CLSTN2: variants seen among roughly 807,000 people sequenced by gnomAD.
CLSTN2 encodes the protein calsyntenin 2.
Under a neutral mutation model 101.2 loss-of-function variants are expected in CLSTN2, and 48 were observed. That is an observed-to-expected ratio of 0.47 (90% CI 0.38 to 0.60). The LOEUF (loss-of-function observed/expected upper bound fraction) is 0.60. Among genes scored for constraint, CLSTN2 ranks in the 20% least tolerant of loss-of-function variants. The pLI, the probability that CLSTN2 is intolerant of heterozygous loss-of-function variation, is 0.00. For missense variants in CLSTN2, 1,160 were observed against 1,238.2 expected (o/e 0.94, Z 0.95); for synonymous variants, 481 against 463.6 (o/e 1.04, Z -0.48).
chr3:140,337,797 A>G (rs1385602033), intron 2 of CLSTN2, among the ~76,000 whole-genome samples: 1 of 152,256 alleles, frequency 6.6e-6, no homozygotes, highest in African/African-American at 2.4e-5. Flanking sequence ...TTTAATCAGC[A>G]ATGCCGCCTT....
chr3:140,559,638 C>T (rs1010124791), intron 12 of CLSTN2, among the ~76,000 whole-genome samples: 85 of 152,010 alleles, frequency 5.6e-4, no homozygotes, highest in African/African-American at 1.9e-3. Context: ...TTTGTTACTC[C>T]GAGGGACGGG....
At chr3:140,254,199 TATAAGAA>T (rs1377253403) in intron 2 of CLSTN2, among the ~76,000 whole-genome samples, 3 of 152,162 alleles carry the variant, frequency 2.0e-5, no homozygotes, top group Non-Finnish European at 4.4e-5. Flanking sequence ...TTTAAAGAGT[TATAAGAA>T]ATAGTCAAAT....
At chr3:140,320,701 CA>C (rs538798156) in intron 2 of CLSTN2, among the ~76,000 whole-genome samples, 8 of 147,728 alleles carry the variant, frequency 5.4e-5, no homozygotes, top group East Asian at 2.0e-4. Flanking sequence ...CTCCCCCTTC[CA>C]AAAAAAAAGA....
chr3:140,403,851 A>G (rs1396377810), intron 3 of CLSTN2, 27 bp downstream of exon 3: 1 of 1,578,308 alleles, frequency 6.3e-7, no homozygotes, highest in Non-Finnish European at 8.6e-7. Flanking sequence ...AGCCCTCTGG[A>G]CGCCCCTCCC....
chr3:140,405,123 G>A (rs2088288487), intron 4 of CLSTN2, among the ~76,000 whole-genome samples: 1 of 152,100 alleles, frequency 6.6e-6, no homozygotes, highest in Non-Finnish European at 1.5e-5. Context: ...ATCTGGGTCC[G>A]TTTCCTATGT....
intron 8 of CLSTN2, among the ~76,000 whole-genome samples, chr3:140,483,588 G>A (rs1218783000): frequency 6.6e-6 from 1 of 152,084 alleles, no homozygotes; most frequent in Non-Finnish European, 1.5e-5. Context: ...AAGTCTCTTT[G>A]TAGGTCTCTA....
chr3:140,551,737 A>G (rs1397580529), intron 10 of CLSTN2, among the ~76,000 whole-genome samples: 1 of 151,692 alleles, frequency 6.6e-6, no homozygotes, highest in Non-Finnish European at 1.5e-5. Flanking sequence ...TTGTGTATAA[A>G]ATAAATTGAT....
intron 1 of CLSTN2, among the ~76,000 whole-genome samples, chr3:139,996,250 A>C (rs531589715): frequency 1.3e-5 from 2 of 152,038 alleles, no homozygotes; most frequent in South Asian, 4.1e-4. Context: ...AGTATGCTTT[A>C]ATATGTTACT....
At chr3:139,959,724 T>G (rs1935470451) in intron 1 of CLSTN2, among the ~76,000 whole-genome samples, 1 of 152,180 alleles carries the variant, frequency 6.6e-6, no homozygotes, top group Non-Finnish European at 1.5e-5. Flanking sequence ...GCTCATTCTG[T>G]GCCCTCAGCC....
chr3:139,950,844 G>T (rs904213775), intron 1 of CLSTN2, among the ~76,000 whole-genome samples: 2 of 152,230 alleles, frequency 1.3e-5, no homozygotes, highest in Non-Finnish European at 2.9e-5. Context: ...GATGCTTGTT[G>T]TCAGTTCGCA....
At chr3:140,419,021 G>A (rs1189074997) in intron 4 of CLSTN2, among the ~76,000 whole-genome samples, 1 of 138,528 alleles carries the variant, frequency 7.2e-6, no homozygotes, top group African/African-American at 3.3e-5. Flanking sequence ...TGTGTAATTG[G>A]TGGACCTTTT....
At chr3:140,180,548 C>A (rs1271253675) in intron 2 of CLSTN2, among the ~76,000 whole-genome samples, 1 of 152,158 alleles carries the variant, frequency 6.6e-6, no homozygotes, top group Non-Finnish European at 1.5e-5. Flanking sequence ...TGAAAGCAAG[C>A]TGGGCACACC....
At chr3:140,205,727 A>G (rs1027009980) in intron 2 of CLSTN2, among the ~76,000 whole-genome samples, 1 of 151,370 alleles carries the variant, frequency 6.6e-6, no homozygotes, top group Non-Finnish European at 1.5e-5. Context: ...CCACTCTATG[A>G]TGATTGAGCC....
At chr3:140,413,412 T>A (rs558572305) in intron 4 of CLSTN2, among the ~76,000 whole-genome samples, 73 of 152,222 alleles carry the variant, frequency 4.8e-4, no homozygotes, top group African/African-American at 1.6e-3. Flanking sequence ...ATAGTTTTTT[T>A]AAATATCCCA....
chr3:140,351,735 T>C (rs1299119872), intron 2 of CLSTN2, among the ~76,000 whole-genome samples: 2 of 152,072 alleles, frequency 1.3e-5, no homozygotes, highest in African/African-American at 4.8e-5. Context: ...AGCAAAGATA[T>C]ATAGCCTTAA....
intron 1 of CLSTN2, among the ~76,000 whole-genome samples, chr3:140,138,338 T>C (rs1336932181): frequency 6.6e-6 from 1 of 152,226 alleles, no homozygotes; most frequent in African/African-American, 2.4e-5. Flanking sequence ...GATCTTTTTC[T>C]GTGTCTGTTT....
At chr3:140,530,272 T>A (rs1283779907) in intron 8 of CLSTN2, among the ~76,000 whole-genome samples, 1 of 152,226 alleles carries the variant, frequency 6.6e-6, no homozygotes, top group Non-Finnish European at 1.5e-5. Context: ...ATATGCAAAC[T>A]CTCAAATTCT....
At chr3:140,514,414 T>C (rs1934876504) in intron 8 of CLSTN2, among the ~76,000 whole-genome samples, 1 of 152,186 alleles carries the variant, frequency 6.6e-6, no homozygotes, top group Non-Finnish European at 1.5e-5. Flanking sequence ...TGGTCTCCAA[T>C]TCCACCCAGG....
intron 2 of CLSTN2, among the ~76,000 whole-genome samples, chr3:140,215,119 T>C (rs1184589580): frequency 6.6e-6 from 1 of 152,228 alleles, no homozygotes; most frequent in Admixed American, 6.5e-5. Context: ...GATGTATGAC[T>C]GGTAGGTTTT....
Sources: gnomAD v4.1 joint callset for allele counts (sites outside exome capture counted in the v4.1 genomes callset) on GRCh38, gnomAD v4.1.1 for gene constraint, MANE v1.5 for transcripts, NCBI Gene and HGNC (gene_info 2026-07-23, HGNC 2026-07-21) for gene names.